Variants in FMN1 observed in about 807,000 individuals in gnomAD.
FMN1 encodes the protein formin-1.
Under a neutral mutation model 132.4 loss-of-function variants are expected in FMN1, and 110 were observed. That is an observed-to-expected ratio of 0.83 (90% CI 0.71 to 0.97). FMN1 has a LOEUF of 0.97. Ranked by LOEUF, FMN1 falls within the 50% of genes least tolerant of loss-of-function variation. FMN1 has a pLI of 0.00. For missense variants in FMN1, 1,792 were observed against 1,705.3 expected, an observed-to-expected ratio of 1.05 and a Z score of -0.90; for synonymous variants, 722 against 651.7, an observed-to-expected ratio of 1.11 and a Z score of -1.64.
intron 16 of FMN1, among the ~76,000 whole-genome samples, chr15:32,867,576 G>A (rs1012541917): frequency 1.3e-5 from 2 of 150,752 alleles, no homozygotes; most frequent in African/African-American, 4.9e-5. Flanking sequence ...TGATCTCCTC[G>A]GCTCACTGCA....
At position 33,149,755 on chromosome 15, in the gene FMN1, G is replaced by A. The variant is rs568410435; in HGVS notation, c.1867+3293C>T. 3.6e-5 allele frequency: 35 copies of A among 979,424 alleles called. No homozygotes were observed. In the African/African-American group the frequency reaches 3.9e-4, roughly 11 times the overall value. 60.7% of individuals were successfully genotyped at this position (979,424 alleles called of 1,614,324 possible). ...CATACTTTCTGTAGTAACCTTAAAT[G>A]GCTGCATATGTCTATTAATGTCGTG... On this transcript the variant is annotated intron_variant, in intron 4 of 20. Transcript: ENST00000616417.
intron 6 of FMN1, among the ~76,000 whole-genome samples, chr15:33,037,200 T>C (rs1038472234): frequency 6.6e-6 from 1 of 152,232 alleles, no homozygotes; most frequent in African/African-American, 2.4e-5. Flanking sequence ...TGAGATGATC[T>C]GCTAGGACCT....
At chr15:32,870,660 C>T (rs73370830) in intron 16 of FMN1, among the ~76,000 whole-genome samples, 18 of 152,288 alleles carry the variant, frequency 1.2e-4, no homozygotes, top group African/African-American at 3.8e-4. Context: ...TGGTTACGGA[C>T]GCAGCCTCGG....
intron 18 of FMN1, among the ~76,000 whole-genome samples, chr15:32,799,863 G>A (rs560581605): frequency 6.6e-6 from 1 of 152,218 alleles, no homozygotes; most frequent in Non-Finnish European, 1.5e-5. Context: ...CCATGAGCAA[G>A]AACACTTAAA....
At chr15:32,797,231 T>C (rs1400054338) in intron 19 of FMN1, among the ~76,000 whole-genome samples, 1 of 152,206 alleles carries the variant, frequency 6.6e-6, no homozygotes, top group African/African-American at 2.4e-5. Flanking sequence ...ATAAAGCAAT[T>C]AATTGCCTTC....
intron 6 of FMN1, among the ~76,000 whole-genome samples, chr15:33,047,662 A>G (rs1258032790): frequency 6.6e-6 from 1 of 152,198 alleles, no homozygotes; most frequent in African/African-American, 2.4e-5. Flanking sequence ...TTGAGTTATC[A>G]AGGGTATCAG....
chr15:33,043,837 C>A (rs976119696), intron 6 of FMN1, among the ~76,000 whole-genome samples: 1 of 152,198 alleles, frequency 6.6e-6, no homozygotes, highest in African/African-American at 2.4e-5. Context: ...GGCTGTGGAA[C>A]CAGGCATCCC....
intron 6 of FMN1, among the ~76,000 whole-genome samples, chr15:33,057,467 T>C (rs2037270292): frequency 6.6e-6 from 1 of 152,198 alleles, no homozygotes; most frequent in South Asian, 2.1e-4. Flanking sequence ...TATTGTCTTA[T>C]CTCTACAATA....
rs79410917 is a variant in FMN1, at chr15:32,946,071, C to T, written c.3138+18036G>A. On this transcript the variant is annotated intron_variant, in intron 9 of 20. Transcript: ENST00000616417. ...CCATGAATATAAAATAAATATTCCA[C>T]GAAATGTTGGTAAAAAGAGAAAGAT... Among the ~76,000 whole-genome samples the T allele has an allele frequency of 4.8e-3, 727 of 152,068 alleles. 7 individuals carry two copies. Among genetic ancestry groups the T allele is most frequent in the African/African-American group, 0.016 (676 of 41,422 alleles).
rs960879047 is a variant in FMN1 at position 33,128,625 on chromosome 15, T to G, written c.1867+24423A>C. Among the ~76,000 whole-genome samples, 19 of 152,224 alleles carry G rather than the reference T, an allele frequency of 1.2e-4. 1 individual carries two copies. Among genetic ancestry groups the G allele is most frequent in the South Asian group, 4.1e-4 (2 of 4,836 alleles). ...CATACCCGCGGACCTTTGCGGCAAG[T>G]GTTACAGCTCTTAAAGACGGTGCGT... On this transcript the variant is annotated intron_variant, in intron 4 of 20. Transcript: ENST00000616417.
chr15:32,802,451 A>T (rs1459115329), intron 18 of FMN1, among the ~76,000 whole-genome samples: 1 of 152,216 alleles, frequency 6.6e-6, no homozygotes, highest in South Asian at 2.1e-4. Context: ...GAATTCACTA[A>T]TCTCACACAA....
rs541278661 is a variant in FMN1, at chr15:32,950,776, A to C, written c.3138+13331T>G. Among the ~76,000 whole-genome samples, 6 of 152,268 alleles carry C rather than the reference A, an allele frequency of 3.9e-5. No homozygotes were observed. In the South Asian group the frequency reaches 6.2e-4, roughly 16 times the overall value. ...ACCTGGGTGACGAAATAATCTATGC[A>C]ACAAACCCCCATGACACAACTTTAT... On this transcript the variant is annotated intron_variant, in intron 9 of 20. Transcript: ENST00000616417.
At chr15:32,905,983 G>A (rs369016284) in intron 12 of FMN1, among the ~76,000 whole-genome samples, 1 of 152,120 alleles carries the variant, frequency 6.6e-6, no homozygotes, top group Non-Finnish European at 1.5e-5. Context: ...CTGGGTTTGC[G>A]TGTTCACGAA....
intron 10 of FMN1, among the ~76,000 whole-genome samples, chr15:32,914,570 G>A (rs2060639010): frequency 1.3e-5 from 2 of 152,192 alleles, no homozygotes. Context: ...CTGTTGAGCA[G>A]TTATGAATGG....
intron 4 of FMN1, among the ~76,000 whole-genome samples, chr15:33,091,461 G>T (rs1397001668): frequency 6.6e-6 from 1 of 152,152 alleles, no homozygotes; most frequent in Non-Finnish European, 1.5e-5. Context: ...GTTAATTTCT[G>T]ATACCTAAGG....
chr15:32,987,758 T>G (rs948249410), intron 7 of FMN1, among the ~76,000 whole-genome samples: 3 of 152,124 alleles, frequency 2.0e-5, no homozygotes, highest in Non-Finnish European at 4.4e-5. Context: ...GTAACACAGG[T>G]AAGAATAAAA....
At chr15:32,797,725 T>C (rs371586513) in intron 19 of FMN1, among the ~76,000 whole-genome samples, 215 of 152,220 alleles carry the variant, frequency 1.4e-3, no homozygotes, top group African/African-American at 5.1e-3. Context: ...AGAAGGCCTT[T>C]CTCTTTTTTT....
At chr15:33,001,488 T>C (rs1167239304) in intron 7 of FMN1, among the ~76,000 whole-genome samples, 1 of 152,164 alleles carries the variant, frequency 6.6e-6, no homozygotes, top group African/African-American at 2.4e-5. Context: ...CACTGTTTTA[T>C]GTCATTTATA....
Position 32,995,113 on chromosome 15 carries a change from T to C in FMN1, c.2223+12901A>G, listed in dbSNP as rs556140559. 3.1e-3 allele frequency among the ~76,000 whole-genome samples: 474 copies of C among 152,252 alleles called. 4 individuals carry two copies. Among genetic ancestry groups the C allele is most frequent in the Middle Eastern group, 0.01 (3 of 292 alleles). On this transcript the variant is annotated intron_variant, in intron 7 of 20. Coordinates refer to ENST00000616417, the MANE Select transcript of FMN1 (RefSeq NM_001277313.2). ...TCACACAGAAGCATATATATATATA[T>C]GTATATATGCAAAACACATTTCTTA... is the stretch of plus-strand genomic sequence containing the variant.
Sources: allele counts gnomAD v4.1 joint callset (sites outside exome capture counted in the v4.1 genomes callset), GRCh38; gene constraint gnomAD v4.1.1; transcripts MANE v1.5; gene names NCBI Gene and HGNC (gene_info 2026-07-23, HGNC 2026-07-21).